HDLBP: variants seen among roughly 807,000 people sequenced by gnomAD.
HDLBP encodes the protein high density lipoprotein binding protein, also known as vigilin.
A neutral mutation model predicts 137.3 loss-of-function variants in HDLBP; 30 were observed. The ratio of observed to expected loss-of-function variants is 0.22; its 90% CI spans 0.16 to 0.30. HDLBP has a LOEUF of 0.30. Among genes scored for constraint, HDLBP ranks in the 10% least tolerant of loss-of-function variants. The pLI is 1.00. For synonymous variants in HDLBP, 606 were observed against 596.0 expected (o/e 1.02, Z -0.24); for missense variants, 1,119 against 1,667.3 (o/e 0.67, Z 5.73).
chr2:241,272,532 A>T lies in HDLBP; in HGVS notation c.-102-3991T>A. ...CCCTCCGCGCCACGGCCACGCGCAG[A>T]AGAGACTCGGAGCCGGCCCCAGGTC... On this transcript the variant is annotated intron_variant, in intron 1 of 27. Transcript: ENST00000310931. The surrounding 1 kb of genome is among the most constrained non-coding windows in gnomAD (Gnocchi z 5.6). The T allele has an allele frequency of 6.1e-6, 6 of 984,346 alleles. No homozygotes were observed. Among genetic ancestry groups the T allele is most frequent in the South Asian group, 4.7e-5 (1 of 21,260 alleles). 61.0% of individuals were successfully genotyped at this position (984,346 alleles called of 1,614,324 possible).
chr2:241,260,678 G>C (rs1377987010), intron 5 of HDLBP, among the ~76,000 whole-genome samples: 2 of 152,144 alleles, frequency 1.3e-5, no homozygotes, highest in East Asian at 3.9e-4. Context: ...TACAAGGGAA[G>C]ACCCAGACCT....
At position 241,235,477 on chromosome 2, in the gene HDLBP, G is replaced by A. The variant is rs200910810; in HGVS notation, c.3009+13C>T. 9.1e-5 allele frequency: 146 copies of A among 1,604,182 alleles called. No individual in the cohort carries two copies. In the African/African-American group the frequency reaches 1.6e-3, roughly 17 times the overall value. ...CCACTCCTGTGACATGGCCTCCCGG[G>A]AAAGGGGTCTACCTCAAACTCATCC... On this transcript the variant is annotated intron_variant, in intron 22 of 27. Coordinates refer to ENST00000310931, the MANE Select transcript of HDLBP (RefSeq NM_005336.6).
rs754300037 is a variant in HDLBP at position 241,247,151 on chromosome 2, C to A, written c.1732-9G>T. On this transcript the variant is annotated splice_polypyrimidine_tract_variant and intron_variant, in intron 14 of 27. Transcript: ENST00000310931. ...GAATAGCTATTTTCCACCTTAAAGA[C>A]AAAAAACACAGCCCGATTCACCACC... The A allele has an allele frequency of 6.4e-7, 1 of 1,564,286 alleles. No individual in the cohort carries two copies. The highest frequency in any genetic ancestry group is 1.4e-5 in the African/African-American group (1 of 73,892).
chr2:241,230,332 T>G lies in HDLBP; in HGVS notation c.3475-63A>C. On this transcript the variant is annotated intron_variant, in intron 25 of 27. Transcript: ENST00000310931. This position sits in a 1 kb window ranked among gnomAD's most constrained non-coding sequence, Gnocchi z 5.0. ...AGCGAGGAAAAGGGTTAAAATTATG[T>G]GTCAATTTCTAGTGAAGCATTTTCT... 2 of 1,006,866 alleles carry G rather than the reference T, an allele frequency of 2.0e-6. No individual in the cohort carries two copies. Among genetic ancestry groups the G allele is most frequent in the South Asian group, 3.1e-5 (2 of 64,458 alleles). The allele number at this position is 1,006,866 out of a possible 1,614,324, so 62.4% of individuals were successfully genotyped here.
intron 1 of HDLBP, among the ~76,000 whole-genome samples, chr2:241,297,951 G>C (rs999649799): frequency 6.6e-6 from 1 of 150,620 alleles, no homozygotes; most frequent in Admixed American, 6.6e-5. Flanking sequence ...GGGAGGCTGA[G>C]GCGGGAGAAT....
At chr2:241,260,991 G>C (rs4675970) in intron 5 of HDLBP, among the ~76,000 whole-genome samples, 1 of 151,718 alleles carries the variant, frequency 6.6e-6, no homozygotes, top group South Asian at 2.1e-4. Flanking sequence ...AGGGGTTTGA[G>C]ACCAGAGTGG....
chr2:241,289,099 T>C (rs1013371919), intron 1 of HDLBP, among the ~76,000 whole-genome samples: 9 of 152,248 alleles, frequency 5.9e-5, no homozygotes, highest in Non-Finnish European at 1.2e-4. Context: ...AAGATTAATC[T>C]TGGGCTCAGT....
chr2:241,285,266 T>C lies in HDLBP; in HGVS notation c.-102-16725A>G, dbSNP rs144978674. 8.8e-3 allele frequency among the ~76,000 whole-genome samples: 1,342 copies of C among 152,384 alleles called. 75 individuals carry two copies. Among genetic ancestry groups the C allele is most frequent in the Admixed American group, 0.077 (1,174 of 15,308 alleles). On this transcript the variant is annotated intron_variant, in intron 1 of 27. Coordinates refer to ENST00000310931, the MANE Select transcript of HDLBP (RefSeq NM_005336.6). ...TATGCACTGGGAAACGTAAAACTCA[T>C]GTGATGTGCTTTATTGGGATGTCAG... is the stretch of plus-strand genomic sequence containing the variant.
chr2:241,283,914 C>T (rs949121284), intron 1 of HDLBP, among the ~76,000 whole-genome samples: 8 of 152,126 alleles, frequency 5.3e-5, no homozygotes, highest in Admixed American at 2.0e-4. Flanking sequence ...TGAAGAATTA[C>T]ACTAAATATA....
Position 241,252,443 on chromosome 2 carries a change from A to G in HDLBP, c.1372+514T>C, listed in dbSNP as rs535853852. Reference sequence around the variant, plus strand: ...CTTGAGCCCGGTAGGCAGAGGTTGTAGTGAGCTGAGATCACGCCACTGCAC... The same window carrying G: ...CTTGAGCCCGGTAGGCAGAGGTTGTGGTGAGCTGAGATCACGCCACTGCAC... On this transcript the variant is annotated intron_variant, in intron 11 of 27. Coordinates refer to ENST00000310931, the MANE Select transcript of HDLBP (RefSeq NM_005336.6). 2.3e-4 allele frequency among the ~76,000 whole-genome samples: 35 copies of G among 152,324 alleles called. No homozygotes were observed. The East Asian group carries it at 6.2e-3, about 27-fold the overall frequency.
At chr2:241,297,628 C>A (rs2075229086) in intron 1 of HDLBP, among the ~76,000 whole-genome samples, 1 of 152,042 alleles carries the variant, frequency 6.6e-6, no homozygotes, top group African/African-American at 2.4e-5. Context: ...TCTCTGAGAG[C>A]CAACTGCCAT....
At chr2:241,286,032 A>G (rs2074792847) in intron 1 of HDLBP, among the ~76,000 whole-genome samples, 3 of 152,222 alleles carry the variant, frequency 2.0e-5, no homozygotes, top group African/African-American at 7.2e-5. Flanking sequence ...TAAAAGAAAA[A>G]GTCAAATGGA....
At chr2:241,306,273 T>C (rs1480087370) in intron 1 of HDLBP, among the ~76,000 whole-genome samples, 1 of 151,950 alleles carries the variant, frequency 6.6e-6, no homozygotes, top group African/African-American at 2.4e-5. Flanking sequence ...TCAGCTTTTT[T>C]TTTTTGAGAT....
intron 5 of HDLBP, among the ~76,000 whole-genome samples, chr2:241,258,733 A>T (rs903367767): frequency 6.6e-6 from 1 of 152,192 alleles, no homozygotes; most frequent in Non-Finnish European, 1.5e-5. Flanking sequence ...GATAATAAAA[A>T]ATGCAAGTGG....
chr2:241,263,550 C>T (rs1456533898), intron 4 of HDLBP, among the ~76,000 whole-genome samples: 1 of 152,070 alleles, frequency 6.6e-6, no homozygotes, highest in African/African-American at 2.4e-5. Context: ...GACAGTGGTA[C>T]ATTTAACAAA....
At chr2:241,286,175 C>G (rs1002691408) in intron 1 of HDLBP, among the ~76,000 whole-genome samples, 1 of 151,640 alleles carries the variant, frequency 6.6e-6, no homozygotes, top group Non-Finnish European at 1.5e-5. Context: ...AGTATGTGGC[C>G]AGGCATGGTG....
chr2:241,231,870 T>C (rs1337564807), intron 24 of HDLBP, among the ~76,000 whole-genome samples: 2 of 151,902 alleles, frequency 1.3e-5, no homozygotes, highest in African/African-American at 2.4e-5. Flanking sequence ...AAAACCACCA[T>C]GCAACAGGAC....
rs1439877651 is a variant in HDLBP at position 241,236,098 on chromosome 2, C to CA, written c.2905-505dup. 9.5e-5 allele frequency: 18 copies of CA among 189,798 alleles called. 1 individual carries two copies. Among genetic ancestry groups the CA allele is most frequent in the Middle Eastern group, 2.4e-3 (1 of 420 alleles). 11.8% of individuals were successfully genotyped at this position (189,798 alleles called of 1,614,324 possible). A position where few individuals can be genotyped will look rare whatever the true frequency, so the allele number is the denominator to read the frequency against. On this transcript the variant is annotated intron_variant, in intron 21 of 27. Transcript: ENST00000310931. ...ACCTCCAGAACCTGCTTTCTTGCCA[C>CA]AGCATTTACCATCACTTGCCACAGG...
intron 1 of HDLBP, among the ~76,000 whole-genome samples, chr2:241,269,835 C>T (rs544033503): frequency 8.2e-4 from 125 of 152,230 alleles, no homozygotes; most frequent in African/African-American, 2.8e-3. Flanking sequence ...GCTAAGGTGC[C>T]CCAACAGGTG....
Sources: gnomAD v4.1 joint callset for allele counts (sites outside exome capture counted in the v4.1 genomes callset) on GRCh38, gnomAD v4.1.1 for gene constraint, Gnocchi (gnomAD v3.1) non-coding constraint, MANE v1.5 for transcripts, NCBI Gene and HGNC (gene_info 2026-07-23, HGNC 2026-07-21) for gene names.